Variants in BBOF1 observed in about 807,000 individuals in gnomAD.
BBOF1 encodes basal body orientation factor 1, also known as basal body-orientation factor 1.
BBOF1 carries 62 observed loss-of-function variants against 68.0 expected under a neutral mutation model. The observed-to-expected ratio is 0.91, with a 90% CI of 0.74 to 1.13. The LOEUF (loss-of-function observed/expected upper bound fraction) is 1.13. Among genes scored for constraint, BBOF1 ranks in the 50% most tolerant of loss-of-function variants. The pLI is 0.00. For synonymous variants in BBOF1, 208 were observed against 198.8 expected, an observed-to-expected ratio of 1.05 and a Z score of -0.39; for missense variants, 534 against 600.1, an observed-to-expected ratio of 0.89 and a Z score of 1.15.
In BBOF1 at chr14:74,047,934, T is replaced by C; in HGVS notation, c.652T>C (p.Leu218=). The part of the protein sequence containing the change: ...ERAHHEAIVQ[L]NDAGRNVFKE... ...GAGATCTTATATCTATTTCAGGCAA[T>C]TGAACGATGCTGGAAGAAATGTTTT... The change falls in exon 7 of 12, where the codon TTG becomes CTG. Residue 218 remains leucine (L), a synonymous_variant. Coordinates refer to ENST00000394009, the MANE Select transcript of BBOF1 (RefSeq NM_025057.3). 5.6e-6 allele frequency: 9 copies of C among 1,600,588 alleles called. No homozygotes were observed. Among genetic ancestry groups the C allele is most frequent in the Non-Finnish European group, 7.7e-6 (9 of 1,175,544 alleles).
chr14:74,032,649 A>G (rs2059600200), intron 3 of BBOF1, among the ~76,000 whole-genome samples: 1 of 151,400 alleles, frequency 6.6e-6, no homozygotes, highest in African/African-American at 2.4e-5. Context: ...GCGTGCCACC[A>G]TGCCTGGCTA....
chr14:74,068,752 G>T (rs1351423762), downstream of BBOF1: 4 of 1,349,260 alleles, frequency 3.0e-6, no homozygotes, highest in Non-Finnish European at 3.1e-6. Flanking sequence ...AAAAAAGAAA[G>T]AAACACTGAC....
chr14:74,058,703 A>G (rs888441571), intron 11 of BBOF1: 10 of 152,114 alleles, frequency 6.6e-5, no homozygotes, highest in African/African-American at 2.4e-4. Context: ...AGAGGATTCA[A>G]TTGGATTGGT....
In BBOF1 at chr14:74,029,175, T is replaced by A. The variant is rs2059505807; in HGVS notation, c.286-9T>A. On this transcript the variant is annotated splice_polypyrimidine_tract_variant and intron_variant, in intron 2 of 11. Transcript: ENST00000394009. The stretch of plus-strand genomic sequence containing the variant: ...TATCTTCATGACCCTGTATTTTGAT[T>A]TTCAACAGATTGAAAAACTGAAACA... 2.6e-6 allele frequency: 4 copies of A among 1,540,006 alleles called. No homozygotes were observed. The highest frequency in any genetic ancestry group is 2.6e-6 in the Non-Finnish European group (3 of 1,134,488).
chr14:74,065,444 C>T lies in BBOF1; in HGVS notation c.*745C>T, dbSNP rs181168413. ...GCTTATTTGGTACTTTCACTTACTA[C>T]ACATCATTTACGTGGACAACTTTCA... On this transcript the variant is annotated 3_prime_UTR_variant, in exon 12 of 12. Coordinates refer to ENST00000394009, the MANE Select transcript of BBOF1 (RefSeq NM_025057.3). The T allele has an allele frequency of 3.0e-4, 372 of 1,240,040 alleles. No homozygotes were observed. Among genetic ancestry groups the T allele is most frequent in the Non-Finnish European group, 3.8e-4 (331 of 863,258 alleles). 76.8% of individuals were successfully genotyped at this position (1,240,040 alleles called of 1,614,324 possible).
downstream of BBOF1, chr14:74,066,652 A>G (rs2060470893): frequency 2.0e-6 from 3 of 1,506,170 alleles, no homozygotes; most frequent in African/African-American, 1.4e-5. Flanking sequence ...ATGAGATTCT[A>G]TAGCCTTTAA....
intron 4 of BBOF1, among the ~76,000 whole-genome samples, chr14:74,034,541 G>T (rs2059651965): frequency 6.6e-6 from 1 of 152,202 alleles, no homozygotes; most frequent in East Asian, 1.9e-4. Flanking sequence ...TAGTTTTAGA[G>T]AAATTTAGAA....
In BBOF1 at chr14:74,065,456, G is replaced by A. The variant is rs914079061; in HGVS notation, c.*757G>A. ...CTTTCACTTACTACACATCATTTAC[G>A]TGGACAACTTTCATATTACTAATCT... On this transcript the variant is annotated 3_prime_UTR_variant, in exon 12 of 12. Coordinates refer to ENST00000394009, the MANE Select transcript of BBOF1 (RefSeq NM_025057.3). The A allele has an allele frequency of 3.0e-5, 34 of 1,117,804 alleles. No individual in the cohort carries two copies. The Admixed American group carries it at 4.5e-4, about 15-fold the overall frequency. 69.2% of individuals were successfully genotyped at this position (1,117,804 alleles called of 1,614,324 possible). A position where few individuals can be genotyped will look rare whatever the true frequency, so the allele number is the denominator to read the frequency against.
chr14:74,080,678 A>G (rs1341602511), intron 10 of BBOF1, among the ~76,000 whole-genome samples: 1 of 152,090 alleles, frequency 6.6e-6, no homozygotes, highest in Admixed American at 6.6e-5. Context: ...CTTAGCCTCA[A>G]GCGATCCTCC....
intron 10 of BBOF1, 43 bp downstream of exon 10, chr14:74,057,023 G>A (rs1274316163): frequency 2.5e-6 from 4 of 1,584,330 alleles, no homozygotes; most frequent in Admixed American, 3.5e-5. Context: ...AGCCCAACAC[G>A]ATGGTTCTTG....
rs374729136 is a variant in BBOF1, at chr14:74,019,424, G to T, written c.-55G>T. 3.8e-6 allele frequency: 6 copies of T among 1,568,668 alleles called. No individual in the cohort carries two copies. Among genetic ancestry groups the T allele is most frequent in the Non-Finnish European group, 5.2e-6 (6 of 1,157,554 alleles). On this transcript the variant is annotated 5_prime_UTR_variant, in exon 1 of 12. Coordinates refer to ENST00000394009, the MANE Select transcript of BBOF1 (RefSeq NM_025057.3). ...CCCGGTTCCCTTGGAGACAGAGCTGGCCAGGGCGGCCGCGGCTGGGCAACT... is the reference window on the plus strand; with the variant it reads ...CCCGGTTCCCTTGGAGACAGAGCTGTCCAGGGCGGCCGCGGCTGGGCAACT...
chr14:74,061,001 G>A (rs570778012), intron 11 of BBOF1, among the ~76,000 whole-genome samples: 17 of 152,024 alleles, frequency 1.1e-4, no homozygotes, highest in Non-Finnish European at 2.5e-4. Flanking sequence ...TGTTTGAGAT[G>A]GAGTCTTGCT....
intron 10 of BBOF1, among the ~76,000 whole-genome samples, chr14:74,080,133 T>C (rs1018595168): frequency 6.6e-6 from 1 of 152,156 alleles, no homozygotes; most frequent in Non-Finnish European, 1.5e-5. Flanking sequence ...TCTCGGTAAA[T>C]AGGGCTACTC....
chr14:74,077,968 C>T (rs569696745), intron 9 of BBOF1, among the ~76,000 whole-genome samples: 8 of 152,220 alleles, frequency 5.3e-5, no homozygotes, highest in South Asian at 4.2e-4. Context: ...AATAACGGCA[C>T]GGTGATTTCT....
At chr14:74,054,389 T>C (rs1041849452) in intron 8 of BBOF1, among the ~76,000 whole-genome samples, 3 of 151,574 alleles carry the variant, frequency 2.0e-5, no homozygotes, top group Admixed American at 6.6e-5. Context: ...TTTGTTGTTT[T>C]TTTTTTTGAG....
intron 8 of BBOF1, among the ~76,000 whole-genome samples, chr14:74,050,557 G>T (rs1272508319): frequency 6.6e-6 from 1 of 151,980 alleles, no homozygotes; most frequent in Non-Finnish European, 1.5e-5. Context: ...TTAGATTCAG[G>T]TTAAACTTTT....
intron 2 of BBOF1, among the ~76,000 whole-genome samples, chr14:74,027,243 C>T (rs1033788492): frequency 7.2e-5 from 11 of 151,814 alleles, no homozygotes; most frequent in South Asian, 6.3e-4. Flanking sequence ...GCCACCACCC[C>T]GCCTGGCTAA....
At chr14:74,072,521 A>G (rs2060564125) in intron 9 of BBOF1, 2 of 1,614,052 alleles carry the variant, frequency 1.2e-6, no homozygotes, top group Admixed American at 1.7e-5. Flanking sequence ...TGAAGTCCCA[A>G]AGCAGCTTCG....
intron 4 of BBOF1, among the ~76,000 whole-genome samples, chr14:74,036,412 G>A (rs2059700552): frequency 6.6e-6 from 1 of 152,132 alleles, no homozygotes; most frequent in Non-Finnish European, 1.5e-5. Context: ...GTGAGGCACA[G>A]TGGCTCACAC....
Sources: gnomAD v4.1 joint callset for allele counts (sites outside exome capture counted in the v4.1 genomes callset) on GRCh38, gnomAD v4.1.1 for gene constraint, MANE v1.5 for transcripts, NCBI Gene and HGNC (gene_info 2026-07-23, HGNC 2026-07-21) for gene names.